VPS36: variants seen among roughly 807,000 people sequenced by gnomAD.
The protein encoded by VPS36 is vacuolar protein sorting 36 homolog, also known as vacuolar protein-sorting-associated protein 36.
A neutral mutation model predicts 63.5 loss-of-function variants in VPS36; 31 were observed. The ratio of observed to expected loss-of-function variants is 0.49; its 90% confidence interval spans 0.37 to 0.66. The LOEUF (loss-of-function observed/expected upper bound fraction) is 0.66, where lower values mean the gene tolerates loss of function less well. Among genes scored for constraint, VPS36 ranks in the 30% least tolerant of loss-of-function variants. The probability of loss-of-function intolerance (pLI) is 0.00; values close to 1 mark genes in which losing one functional copy is unlikely to be tolerated. For synonymous variants in VPS36, 138 were observed against 157.2 expected, an observed-to-expected ratio of 0.88 and a Z score of 0.91; for missense variants, 338 against 463.7, an observed-to-expected ratio of 0.73 and a Z score of 2.49.
intron 1 of VPS36, among the ~76,000 whole-genome samples, chr13:52,444,122 T>A (rs1419858422): frequency 6.6e-6 from 1 of 152,206 alleles, no homozygotes; most frequent in Admixed American, 6.5e-5. Flanking sequence ...AGTGTCCAGT[T>A]TATTAAAATA....
intron 4 of VPS36, 95 bp downstream of exon 4, chr13:52,436,195 C>A: frequency 3.9e-6 from 3 of 760,600 alleles, no homozygotes; most frequent in South Asian, 2.1e-5. Context: ...ATAATACTAC[C>A]TTCCATCATA....
In VPS36 at chr13:52,434,803, CTATT is replaced by C; in HGVS notation, c.427_430del (p.Asn143GlufsTer8). On this transcript the variant is annotated frameshift_variant, in exon 5 of 14. Transcript: ENST00000378060. LOFTEE classifies it high-confidence loss of function. ...TAGTTTTAAAAATACCTGGGGTCCT[CTATT>C]TGTTTGTAATGACTGGGAAACTGGC... 6.2e-7 allele frequency: 1 copy of C among 1,613,572 alleles called. No homozygotes were observed. The highest frequency in any genetic ancestry group is 8.5e-7 in the Non-Finnish European group (1 of 1,179,792).
In VPS36 at chr13:52,412,773, A is replaced by G. The variant is rs1485074076; in HGVS notation, c.*3057T>C. On this transcript the variant is annotated 3_prime_UTR_variant, in exon 14 of 14. Coordinates refer to ENST00000378060, the MANE Select transcript of VPS36 (RefSeq NM_016075.4). ...TGTTCTCAGCTCTTAGAATACATCC[A>G]TGAACAAACCAGATAAAAACTTCTG... The G allele has an allele frequency of 6.6e-6, 1 of 152,230 alleles. No homozygotes were observed. The highest frequency in any genetic ancestry group is 1.5e-5 in the Non-Finnish European group (1 of 68,024). The allele number at this position is 152,230 out of a possible 1,614,324, so 9.4% of individuals were successfully genotyped here.
intron 1 of VPS36, among the ~76,000 whole-genome samples, chr13:52,447,589 A>G (rs1311275218): frequency 2.0e-5 from 3 of 152,196 alleles, no homozygotes; most frequent in Non-Finnish European, 4.4e-5. Context: ...CATAAGAGGC[A>G]CTTGGGCGTG....
intron 8 of VPS36, 147 bp downstream of exon 8, chr13:52,426,842 G>A (rs1048727757): frequency 1.7e-5 from 9 of 541,596 alleles, no homozygotes; most frequent in African/African-American, 8.0e-5. Flanking sequence ...GCGACGGAGC[G>A]ACACTCCGTC....
chr13:52,437,758 G>A (rs1345706134), intron 3 of VPS36, among the ~76,000 whole-genome samples: 12 of 151,988 alleles, frequency 7.9e-5, no homozygotes, highest in African/African-American at 2.9e-4. Context: ...GTGAAACCCC[G>A]TCTCTACTAA....
chr13:52,445,970 G>T (rs188285518), intron 1 of VPS36, among the ~76,000 whole-genome samples: 2,091 of 108,610 alleles, frequency 0.019, 31 homozygotes, highest in Non-Finnish European at 0.029. Context: ...AAAAAAAAAG[G>T]CCGGGCACCT....
chr13:52,431,509 A>C (rs1958155513), intron 6 of VPS36, among the ~76,000 whole-genome samples: 1 of 152,122 alleles, frequency 6.6e-6, no homozygotes, highest in Non-Finnish European at 1.5e-5. Flanking sequence ...TCATGCCTGT[A>C]ATCCTAGCAC....
chr13:52,423,686 C>T, intron 9 of VPS36, 47 bp from the exon 10 acceptor site: 2 of 1,472,404 alleles, frequency 1.4e-6, no homozygotes, highest in Non-Finnish European at 1.9e-6. Context: ...TACAATTACA[C>T]CAGTTAGCAT....
intron 11 of VPS36, 37 bp downstream of exon 11, chr13:52,417,955 G>A: frequency 1.9e-6 from 3 of 1,592,602 alleles, no homozygotes; most frequent in Non-Finnish European, 2.6e-6. Flanking sequence ...CAGAATCATG[G>A]TTGCAGGTGG....
chr13:52,450,418 C>A lies in VPS36; in HGVS notation c.96+81G>T. ...TAAGCCGGGGACCGGGCCGCGCCGA[C>A]CCGGGCCGCGCTGAGCCGGGCCGCG... On this transcript the variant is annotated intron_variant, in intron 1 of 13. Coordinates refer to ENST00000378060, the MANE Select transcript of VPS36 (RefSeq NM_016075.4). 6 of 1,431,818 alleles carry A rather than the reference C, an allele frequency of 4.2e-6. No homozygotes were observed. The South Asian group carries it at 8.0e-5, about 19-fold the overall frequency. 88.7% of individuals were successfully genotyped at this position (1,431,818 alleles called of 1,614,324 possible). A position where few individuals can be genotyped will look rare whatever the true frequency, so the allele number is the denominator to read the frequency against.
rs1274359820 is a variant in VPS36, at chr13:52,425,310, T to C, written c.774+622A>G. ...TAGATATTAGATAACATTAAGAAAG[T>C]ATTTTAATTTTTTAGATTATGAAAG... On this transcript the variant is annotated intron_variant, in intron 9 of 13. Coordinates refer to ENST00000378060, the MANE Select transcript of VPS36 (RefSeq NM_016075.4). 4.0e-5 allele frequency among the ~76,000 whole-genome samples: 6 copies of C among 151,126 alleles called. No homozygotes were observed. In the East Asian group the frequency reaches 1.2e-3, roughly 29 times the overall value.
At chr13:52,418,117 G>C in intron 10 of VPS36, 61 bp from the exon 11 acceptor site, 1 of 1,395,612 alleles carries the variant, frequency 7.2e-7, no homozygotes, top group Non-Finnish European at 9.9e-7. Flanking sequence ...AAACAGAAGA[G>C]TATATTTTAA....
intron 6 of VPS36, among the ~76,000 whole-genome samples, chr13:52,432,108 T>C (rs1958164280): frequency 6.6e-6 from 1 of 152,288 alleles, no homozygotes. Context: ...ATCCCATCAC[T>C]TTGAGAGGCC....
chr13:52,425,799 C>T (rs1958095845), intron 9 of VPS36, 133 bp downstream of exon 9: 5 of 945,170 alleles, frequency 5.3e-6, no homozygotes, highest in African/African-American at 1.7e-5. Flanking sequence ...ATTTAATATA[C>T]CTGAAAGAAA....
rs1420275239 is a variant in VPS36, at chr13:52,445,730, G to T, written c.97-3285C>A. Reference sequence around the variant, plus strand: ...AGGCGGGCGGATCACGAGGTCAGGAGATCAAGACCATCCTGACTAACACGG... The same window carrying T: ...AGGCGGGCGGATCACGAGGTCAGGATATCAAGACCATCCTGACTAACACGG... On this transcript the variant is annotated intron_variant, in intron 1 of 13. Coordinates refer to ENST00000378060, the MANE Select transcript of VPS36 (RefSeq NM_016075.4). 2.8e-5 allele frequency among the ~76,000 whole-genome samples: 4 copies of T among 144,442 alleles called. 1 individual carries two copies. The highest frequency in any genetic ancestry group is 6.1e-5 in the Non-Finnish European group (4 of 66,018). The allele number at this position is 144,442 out of a possible 152,430, so 94.8% of individuals were successfully genotyped here. A position where few individuals can be genotyped will look rare whatever the true frequency, so the allele number is the denominator to read the frequency against.
chr13:52,419,675 CAAAGAGAAATCTGCACTCCCATGGTT>C (rs1958026533), intron 10 of VPS36, among the ~76,000 whole-genome samples: 1 of 152,156 alleles, frequency 6.6e-6, no homozygotes, highest in Non-Finnish European at 1.5e-5. Flanking sequence ...AGGAGTGTAT[CAAAGAGAAATCTGCACTCCCATGGTT>C]ATTGCAGCAC....
intron 6 of VPS36, among the ~76,000 whole-genome samples, chr13:52,428,056 TA>T (rs1273395445): frequency 6.6e-6 from 1 of 152,188 alleles, no homozygotes; most frequent in African/African-American, 2.4e-5. Context: ...TTAAGTAAGA[TA>T]ATCAGCCTCT....
At chr13:52,446,125 G>A (rs990612389) in intron 1 of VPS36, among the ~76,000 whole-genome samples, 1 of 151,318 alleles carries the variant, frequency 6.6e-6, no homozygotes, top group Admixed American at 6.6e-5. Context: ...AAATTGCCGG[G>A]CGTGGTGGCG....
Sources: allele counts gnomAD v4.1 joint callset (sites outside exome capture counted in the v4.1 genomes callset), GRCh38; gene constraint gnomAD v4.1.1; transcripts MANE v1.5; gene names NCBI Gene and HGNC (gene_info 2026-07-23, HGNC 2026-07-21).